ACAD10: variants seen among roughly 807,000 people sequenced by gnomAD.
ACAD10 encodes the protein ACAD-10.
ACAD10 carries 112 observed loss-of-function variants against 116.8 expected under a neutral mutation model. That is an observed-to-expected ratio of 0.96 (90% CI 0.82 to 1.12). The LOEUF is 1.12. ACAD10 is among the 50% of genes most tolerant of loss of function. The pLI, the probability that ACAD10 is intolerant of heterozygous loss-of-function variation, is 0.00. For synonymous variants in ACAD10, 486 were observed against 510.6 expected, an observed-to-expected ratio of 0.95 and a Z score of 0.65; for missense variants, 1,259 against 1,350.2, an observed-to-expected ratio of 0.93 and a Z score of 1.06.
intron 10 of ACAD10, among the ~76,000 whole-genome samples, chr12:111,730,919 C>T (rs1173024710): frequency 6.6e-6 from 1 of 151,976 alleles, no homozygotes; most frequent in African/African-American, 2.4e-5. Flanking sequence ...GTGTGGCTAA[C>T]TTTTGTATTT....
chr12:111,740,782 CAAAAAA>C (rs751899672), intron 12 of ACAD10, among the ~76,000 whole-genome samples: 3 of 51,074 alleles, frequency 5.9e-5, no homozygotes, highest in East Asian at 3.9e-4. Flanking sequence ...GACTCCATCT[CAAAAAA>C]AAAAAAAAAA....
chr12:111,723,506 C>G (rs1325699302), intron 8 of ACAD10, among the ~76,000 whole-genome samples: 1 of 141,916 alleles, frequency 7.0e-6, no homozygotes, highest in Non-Finnish European at 1.6e-5. Context: ...GGCGGCTGGC[C>G]GGGCAGAGGG....
intron 5 of ACAD10, among the ~76,000 whole-genome samples, chr12:111,710,889 T>C (rs1369680206): frequency 6.6e-6 from 1 of 152,104 alleles, no homozygotes; most frequent in Non-Finnish European, 1.5e-5. Flanking sequence ...GAACTGTGGG[T>C]GCACACCATC....
rs1889897728 is a variant in ACAD10, at chr12:111,746,275, T to G, written c.2247T>G (p.Tyr749Ter). 1 of 1,612,438 alleles carries G rather than the reference T, an allele frequency of 6.2e-7. No individual in the cohort carries two copies. The highest frequency in any genetic ancestry group is 1.7e-5 in the Admixed American group (1 of 59,622). The change falls in exon 14 of 21, where the codon TAT becomes TAG. Residue 749 changes from tyrosine to a stop codon, truncating the protein, a stop_gained. Coordinates refer to ENST00000313698, the MANE Select transcript of ACAD10 (RefSeq NM_025247.6). LOFTEE classifies it high-confidence loss of function. ...HLCELMGTSLYAPEVCNCSAP... is the reference protein window; with the variant it reads ...HLCELMGTSL ...GTGAGCTCATGGGCACGTCCCTGTA[T>G]GCCCCCGAGGTACCTTCTTTAAAGT... is the stretch of plus-strand genomic sequence containing the variant.
At position 111,692,740 on chromosome 12, in the gene ACAD10, C is replaced by T. The variant is rs771861294; in HGVS notation, c.31C>T (p.Arg11Cys). ...TGTCAGGAGCTGTTTCCAGTCCCCC[C>T]GTCTCCAGTGGGTGTGGAGAACAGC... MCVRSCFQSP[R>C]LQWVWRTAFL... The change falls in exon 2 of 21, where the codon CGT becomes TGT. Residue 11 changes from arginine to cysteine, a missense_variant. By Grantham distance (180) the Arg-to-Cys change is radical. Coordinates refer to ENST00000313698, the MANE Select transcript of ACAD10 (RefSeq NM_025247.6). The T allele has an allele frequency of 3.4e-5, 55 of 1,614,024 alleles. No individual in the cohort carries two copies. Among genetic ancestry groups the T allele is most frequent in the Non-Finnish European group, 4.5e-5 (53 of 1,180,024 alleles).
chr12:111,729,700 A>G, intron 9 of ACAD10, 106 bp from the exon 10 acceptor site: 1 of 1,343,768 alleles, frequency 7.4e-7, no homozygotes, highest in Non-Finnish European at 1.0e-6. Context: ...ACACTGCACC[A>G]CCCAGTGCAG....
rs1566166404 is a variant in ACAD10, at chr12:111,744,880, G to T, written c.1952G>T (p.Gly651Val). ...TCCCCAGCTCATACCTCAAGGGGAG[G>T]TCTGGTTATCTCTCCAGAGAGCCTC... ...EASPAHTSRG[G>V]LVISPESLSP... The change falls in exon 13 of 21, where the codon GGT (glycine) becomes GTT (valine). Residue 651 changes from glycine (G) to valine (V), a missense_variant. Gly to Val is a moderately radical substitution (Grantham distance 109). Coordinates refer to ENST00000313698, the MANE Select transcript of ACAD10 (RefSeq NM_025247.6). The T allele has an allele frequency of 6.2e-7, 1 of 1,614,192 alleles. No individual in the cohort carries two copies. The highest frequency in any genetic ancestry group is 8.5e-7 in the Non-Finnish European group (1 of 1,180,032).
At chr12:111,756,269 T>C (rs928434640) in intron 20 of ACAD10, 64 bp from the exon 21 acceptor site, 75 of 1,512,822 alleles carry the variant, frequency 5.0e-5, no homozygotes, top group Non-Finnish European at 6.1e-5. Context: ...CAGGCTATCA[T>C]TCCTGGGGCT....
At chr12:111,716,733 G>A (rs1888857690) in intron 7 of ACAD10, among the ~76,000 whole-genome samples, 1 of 152,078 alleles carries the variant, frequency 6.6e-6, no homozygotes, top group African/African-American at 2.4e-5. Context: ...GCACATACCT[G>A]TAGTTCCATC....
At chr12:111,714,376 A>G (rs917792402) in intron 6 of ACAD10, among the ~76,000 whole-genome samples, 2 of 151,790 alleles carry the variant, frequency 1.3e-5, no homozygotes, top group African/African-American at 4.8e-5. Context: ...TTTAGAGGAC[A>G]CTTTTGGGCC....
At chr12:111,721,021 C>A (rs1229348879) in intron 7 of ACAD10, among the ~76,000 whole-genome samples, 1 of 151,886 alleles carries the variant, frequency 6.6e-6, no homozygotes, top group Admixed American at 6.6e-5. Flanking sequence ...TAGGCTCAAG[C>A]AGTCCTCCCC....
At chr12:111,698,404 CT>C (rs60125993) in intron 2 of ACAD10, among the ~76,000 whole-genome samples, 37,331 of 132,774 alleles carry the variant, frequency 0.28, 6,627 homozygotes, top group African/African-American at 0.53. Context: ...AGTAGTGAGC[CT>C]TTTTTTTTTT....
intron 2 of ACAD10, among the ~76,000 whole-genome samples, chr12:111,701,176 T>C (rs1383401637): frequency 1.3e-5 from 2 of 152,202 alleles, no homozygotes; most frequent in Non-Finnish European, 2.9e-5. Flanking sequence ...AAAAGCTATA[T>C]GTAAAGTGTA....
At chr12:111,740,202 G>A (rs761431202) in intron 12 of ACAD10, among the ~76,000 whole-genome samples, 1 of 152,108 alleles carries the variant, frequency 6.6e-6, no homozygotes, top group Non-Finnish European at 1.5e-5. Context: ...GATGGCTCAC[G>A]CCGGTAATCC....
At chr12:111,693,344 G>T (rs1888109856) in intron 2 of ACAD10, among the ~76,000 whole-genome samples, 1 of 152,110 alleles carries the variant, frequency 6.6e-6, no homozygotes, top group South Asian at 2.1e-4. Context: ...TTCAAGACCA[G>T]CCTGAGCAAC....
chr12:111,707,342 C>T (rs1888542524), intron 4 of ACAD10, among the ~76,000 whole-genome samples: 2 of 151,944 alleles, frequency 1.3e-5, no homozygotes, highest in African/African-American at 4.8e-5. Context: ...GTGACCAACC[C>T]ACCTCAGCCT....
At chr12:111,700,025 A>G (rs1348773827) in intron 2 of ACAD10, among the ~76,000 whole-genome samples, 1 of 152,216 alleles carries the variant, frequency 6.6e-6, no homozygotes, top group Non-Finnish European at 1.5e-5. Context: ...ACAATAGTAA[A>G]CAAGTGTGGT....
At chr12:111,693,657 C>A (rs1019736476) in intron 2 of ACAD10, among the ~76,000 whole-genome samples, 1 of 152,134 alleles carries the variant, frequency 6.6e-6, no homozygotes, top group African/African-American at 2.4e-5. Flanking sequence ...CCTTCTACCC[C>A]ACTCCCTCTA....
At position 111,746,223 on chromosome 12, in the gene ACAD10, T is replaced by C. The variant is rs144218728; in HGVS notation, c.2195T>C (p.Leu732Pro). ...CCCGAGAAAAAATACGGAGCAGGAC[T>C]GACCAATGTGGAATATGCACATCTG... Reference protein sequence around the residue: ...ADPEKKYGAGLTNVEYAHLCE... With the variant: ...ADPEKKYGAGPTNVEYAHLCE... Residue 732 changes from leucine to proline, a missense_variant, in exon 14 of 21, where the codon CTG becomes CCG. Coordinates refer to ENST00000313698, the MANE Select transcript of ACAD10 (RefSeq NM_025247.6). 3.6e-5 allele frequency: 58 copies of C among 1,613,992 alleles called. No individual in the cohort carries two copies. In the Admixed American group the frequency reaches 4.0e-4, roughly 11 times the overall value.
Sources: gnomAD v4.1 joint callset for allele counts (sites outside exome capture counted in the v4.1 genomes callset) on GRCh38, gnomAD v4.1.1 for gene constraint, MANE v1.5 for transcripts, NCBI Gene and HGNC (gene_info 2026-07-23, HGNC 2026-07-21) for gene names.